DCC: variants seen among roughly 807,000 people sequenced by gnomAD.
DCC encodes the protein netrin receptor DCC.
DCC carries 58 observed loss-of-function variants against 172.5 expected under a neutral mutation model. That is an observed-to-expected ratio of 0.34 (90% CI 0.27 to 0.42). DCC has a LOEUF of 0.42. Among genes scored for constraint, DCC ranks in the 10% least tolerant of loss-of-function variants. The probability of loss-of-function intolerance (pLI) is 1.00; values close to 1 mark genes in which losing one functional copy is unlikely to be tolerated. For synonymous variants in DCC, 709 were observed against 644.5 expected, an observed-to-expected ratio of 1.10 and a Z score of -1.52; for missense variants, 1,740 against 1,791.0, an observed-to-expected ratio of 0.97 and a Z score of 0.51.
chr18:53,267,390 T>C (rs2056692651), intron 12 of DCC, among the ~76,000 whole-genome samples: 1 of 152,090 alleles, frequency 6.6e-6, no homozygotes, highest in Non-Finnish European at 1.5e-5. Context: ...TTTCATCATG[T>C]TGGCCAGCCT....
At chr18:52,984,190 A>T (rs544878897) in intron 5 of DCC, among the ~76,000 whole-genome samples, 194 of 152,264 alleles carry the variant, frequency 1.3e-3, no homozygotes, top group African/African-American at 4.5e-3. Context: ...TGATAGACAT[A>T]ATCTATCTGT....
intron 1 of DCC, among the ~76,000 whole-genome samples, chr18:52,494,875 T>G (rs1027675675): frequency 2.0e-5 from 3 of 152,034 alleles, no homozygotes; most frequent in Non-Finnish European, 2.9e-5. Flanking sequence ...ACCTAGTAAT[T>G]TTTTTATTGA....
chr18:52,822,908 G>T (rs1218085910), intron 2 of DCC, among the ~76,000 whole-genome samples: 1 of 151,782 alleles, frequency 6.6e-6, no homozygotes, highest in African/African-American at 2.4e-5. Flanking sequence ...ATTACAGAAA[G>T]ATGTTGGGAT....
intron 2 of DCC, among the ~76,000 whole-genome samples, chr18:52,852,807 A>G (rs545392156): frequency 2.0e-5 from 3 of 152,310 alleles, no homozygotes; most frequent in East Asian, 3.9e-4. Context: ...GATAGTTGCC[A>G]TTGTTGAAAA....
intron 1 of DCC, among the ~76,000 whole-genome samples, chr18:52,361,490 C>T (rs1984616360): frequency 6.6e-6 from 1 of 152,202 alleles, no homozygotes; most frequent in South Asian, 2.1e-4. Flanking sequence ...TGAGAATTGT[C>T]TCTATAAGAC....
chr18:52,912,480 C>A (rs1222407525), intron 3 of DCC, among the ~76,000 whole-genome samples: 1 of 151,942 alleles, frequency 6.6e-6, no homozygotes, highest in African/African-American at 2.4e-5. Context: ...TATCTGTAGT[C>A]CTAGCACATT....
intron 1 of DCC, among the ~76,000 whole-genome samples, chr18:52,629,738 C>T (rs2034639436): frequency 6.6e-6 from 1 of 151,956 alleles, no homozygotes; most frequent in African/African-American, 2.4e-5. Context: ...ATCACGAGGT[C>T]AGGCGATCGA....
At chr18:52,773,786 C>G (rs1372361668) in intron 2 of DCC, among the ~76,000 whole-genome samples, 1 of 152,102 alleles carries the variant, frequency 6.6e-6, no homozygotes, top group Non-Finnish European at 1.5e-5. Flanking sequence ...GCCTCAGCCT[C>G]CTAAAGTGCT....
In DCC at chr18:53,338,439, TA is replaced by T. The variant is rs200386098; in HGVS notation, c.2165-1269del. Among the ~76,000 whole-genome samples the T allele has an allele frequency of 5.6e-3, 858 of 152,192 alleles. 7 individuals are homozygous for T. The highest frequency in any genetic ancestry group is 0.02 in the African/African-American group (813 of 41,516). On this transcript the variant is annotated intron_variant, in intron 14 of 28. Transcript: ENST00000442544. ...CAAGATGGTGAAACCCCGTCTCTAC[TA>T]AAAATACAAAAATTAGCCAAATGTG...
chr18:52,719,876 C>G (rs986120588), intron 1 of DCC, among the ~76,000 whole-genome samples: 1 of 152,092 alleles, frequency 6.6e-6, no homozygotes, highest in Non-Finnish European at 1.5e-5. Flanking sequence ...CAAGGCCCGG[C>G]AGGGCATGGG....
At chr18:52,500,190 G>T (rs1188803740) in intron 1 of DCC, among the ~76,000 whole-genome samples, 1 of 151,364 alleles carries the variant, frequency 6.6e-6, no homozygotes, top group African/African-American at 2.4e-5. Flanking sequence ...ACAAACATTT[G>T]CCACAAACTG....
At chr18:52,773,632 T>C (rs1236745680) in intron 2 of DCC, among the ~76,000 whole-genome samples, 1 of 152,184 alleles carries the variant, frequency 6.6e-6, no homozygotes, top group African/African-American at 2.4e-5. Flanking sequence ...GTTCAAGCAA[T>C]TCTCCTGCGT....
chr18:52,371,670 A>G (rs1400810256), intron 1 of DCC, among the ~76,000 whole-genome samples: 1 of 152,132 alleles, frequency 6.6e-6, no homozygotes, highest in African/African-American at 2.4e-5. Flanking sequence ...AAAGCAATGT[A>G]TGGAGTTCGT....
chr18:53,451,710 G>GCTCTCTCTCTCTCTCTCT (rs371232356), intron 23 of DCC, among the ~76,000 whole-genome samples: 40 of 147,432 alleles, frequency 2.7e-4, no homozygotes, highest in African/African-American at 9.9e-4. Context: ...GCTCGCTCTT[G>GCTCTCTCTCTCTCTCTCT]CTCTCTCTCT....
Position 52,730,849 on chromosome 18 carries a change from C to T in DCC, c.92-21205C>T, listed in dbSNP as rs139846360. On this transcript the variant is annotated intron_variant, in intron 1 of 28. Transcript: ENST00000442544. Reference sequence around the variant, plus strand: ...CAGTTTCTTGAGGGAAATCAGATAACGCAATAATGCACTGCACCCCAAGAA... The same window carrying T: ...CAGTTTCTTGAGGGAAATCAGATAATGCAATAATGCACTGCACCCCAAGAA... Among the ~76,000 whole-genome samples the T allele has an allele frequency of 7.2e-4, 109 of 152,238 alleles. No homozygotes were observed. The East Asian group carries it at 0.01, about 14-fold the overall frequency.
intron 1 of DCC, among the ~76,000 whole-genome samples, chr18:52,489,664 T>A (rs1440215538): frequency 1.3e-5 from 2 of 152,046 alleles, no homozygotes; most frequent in East Asian, 3.9e-4. Context: ...TTGTGTTAAG[T>A]CCCCACATTG....
At chr18:52,568,466 G>T (rs1210294606) in intron 1 of DCC, among the ~76,000 whole-genome samples, 1 of 152,120 alleles carries the variant, frequency 6.6e-6, no homozygotes. Flanking sequence ...ACTCTTTACA[G>T]AGTTGTTAAA....
intron 20 of DCC, among the ~76,000 whole-genome samples, chr18:53,411,569 G>T (rs137965199): frequency 6.6e-6 from 1 of 152,180 alleles, no homozygotes; most frequent in African/African-American, 2.4e-5. Flanking sequence ...TAAAAGAAGA[G>T]TCTTAGTATA....
rs1364249170 is a variant in DCC at position 53,402,953 on chromosome 18, C to A, written c.2935+60C>A. ...TCCCTTGTCCTATAATTGCTTACCC[C>A]CTACATGAGCTGCTCCTGCCTTTCG... On this transcript the variant is annotated intron_variant, in intron 19 of 28. Coordinates refer to ENST00000442544, the MANE Select transcript of DCC (RefSeq NM_005215.4). 23 of 1,178,348 alleles carry A rather than the reference C, an allele frequency of 2.0e-5. No homozygotes were observed. The Admixed American group carries it at 2.4e-4, about 12-fold the overall frequency. The allele number at this position is 1,178,348 out of a possible 1,614,324, so 73.0% of individuals were successfully genotyped here. A position where few individuals can be genotyped will look rare whatever the true frequency, so the allele number is the denominator to read the frequency against.
Sources: gnomAD v4.1 joint callset for allele counts (sites outside exome capture counted in the v4.1 genomes callset) on GRCh38, gnomAD v4.1.1 for gene constraint, MANE v1.5 for transcripts, NCBI Gene and HGNC (gene_info 2026-07-23, HGNC 2026-07-21) for gene names.